PKNOX2: variants seen among roughly 807,000 people sequenced by gnomAD.
PKNOX2 encodes the protein PBX/knotted 1 homeobox 2.
Under a neutral mutation model 53.1 loss-of-function variants are expected in PKNOX2, and 14 were observed. That is an observed-to-expected ratio of 0.26 (90% CI 0.17 to 0.41). The LOEUF (loss-of-function observed/expected upper bound fraction) is 0.41, where lower values mean the gene tolerates loss of function less well. Among genes scored for constraint, PKNOX2 ranks in the 10% least tolerant of loss-of-function variants. The pLI is 1.00. For missense variants in PKNOX2, 496 were observed against 602.8 expected (o/e 0.82, Z 1.85); for synonymous variants, 257 against 242.8 (o/e 1.06, Z -0.54).
chr11:125,303,413 A>G (rs1948208937), intron 2 of PKNOX2, among the ~76,000 whole-genome samples: 1 of 152,136 alleles, frequency 6.6e-6, no homozygotes, highest in Non-Finnish European at 1.5e-5. Context: ...TTCTGGTCAC[A>G]GCCCCAGCCC....
chr11:125,328,286 A>G (rs376459315), intron 2 of PKNOX2, among the ~76,000 whole-genome samples: 18 of 151,968 alleles, frequency 1.2e-4, no homozygotes, highest in East Asian at 7.7e-4. Flanking sequence ...TTTACCTTCT[A>G]TTTTGCCCAC....
At chr11:125,290,095 G>A (rs556486684) in intron 2 of PKNOX2, among the ~76,000 whole-genome samples, 28 of 152,312 alleles carry the variant, frequency 1.8e-4, no homozygotes, top group East Asian at 9.6e-4. Context: ...AACTAGCTGC[G>A]CTGAGTGAAT....
In PKNOX2 at chr11:125,228,199, A is replaced by G. The variant is rs56276012; in HGVS notation, c.-200-6846A>G. Among the ~76,000 whole-genome samples the G allele has an allele frequency of 6.1e-3, 936 of 152,354 alleles. 9 individuals are homozygous for G. Among genetic ancestry groups the G allele is most frequent in the African/African-American group, 0.021 (880 of 41,590 alleles). ...ACGTGCTCCATCTGAGCCGTCCAGT[A>G]TGACAGCCACTAGCTACATGTGCTG... On this transcript the variant is annotated intron_variant, in intron 1 of 12. Coordinates refer to ENST00000298282, the MANE Select transcript of PKNOX2 (RefSeq NM_001382323.2).
chr11:125,285,337 T>C (rs1234538391), intron 2 of PKNOX2, among the ~76,000 whole-genome samples: 2 of 152,112 alleles, frequency 1.3e-5, no homozygotes, highest in African/African-American at 4.8e-5. Context: ...TGAAGCTTCA[T>C]TGAGAATAAG....
intron 5 of PKNOX2, among the ~76,000 whole-genome samples, chr11:125,378,291 C>T (rs934915362): frequency 6.6e-6 from 1 of 152,238 alleles, no homozygotes; most frequent in African/African-American, 2.4e-5. Flanking sequence ...CCCACCTCAC[C>T]CCACCCCACC....
chr11:125,349,194 G>A (rs1279032914), intron 3 of PKNOX2, among the ~76,000 whole-genome samples: 1 of 152,130 alleles, frequency 6.6e-6, no homozygotes, highest in Non-Finnish European at 1.5e-5. Context: ...TCTTAATTCT[G>A]GAAGTTCCTT....
rs1007861010 is a variant in PKNOX2, at chr11:125,165,010, G to C, written c.-201+234G>C. On this transcript the variant is annotated intron_variant, in intron 1 of 12. Transcript: ENST00000298282. The surrounding 1 kb of genome is among the most constrained non-coding windows in gnomAD (Gnocchi z 4.5). ...GGGAGGCAGGGAGCAGCGAGGGACG[G>C]CGGGAGCGTGCAGAGAGAAGCTGGG... Among the ~76,000 whole-genome samples, 3 of 151,742 alleles carry C rather than the reference G, an allele frequency of 2.0e-5. No individual in the cohort carries two copies. Among genetic ancestry groups the C allele is most frequent in the African/African-American group, 7.2e-5 (3 of 41,388 alleles).
chr11:125,429,757 A>C (rs532724768), intron 11 of PKNOX2, among the ~76,000 whole-genome samples: 8 of 152,142 alleles, frequency 5.3e-5, no homozygotes, highest in Non-Finnish European at 5.9e-5. Flanking sequence ...CATTCTTCCC[A>C]TATGACTTTG....
At chr11:125,236,548 G>A (rs35205839) in intron 2 of PKNOX2, among the ~76,000 whole-genome samples, 23,561 of 152,060 alleles carry the variant, frequency 0.15, 1,885 homozygotes, top group African/African-American at 0.17. Flanking sequence ...ATAGGCCTGC[G>A]CATCCCCCCG....
intron 2 of PKNOX2, among the ~76,000 whole-genome samples, chr11:125,286,323 A>T (rs183165984): frequency 6.6e-6 from 1 of 152,374 alleles, no homozygotes; most frequent in Admixed American, 6.5e-5. Flanking sequence ...AACTCAAATC[A>T]TACCCTAAAG....
rs56171419 is a variant in PKNOX2 at position 125,427,631 on chromosome 11, AG to A, written c.937-1380del. Reference sequence around the variant, plus strand: ...TTAGGTGACGTGCCTGAGATTTCATAGCTAGTCATAATAGAGCCAGATTTTG... The same window carrying A: ...TTAGGTGACGTGCCTGAGATTTCATACTAGTCATAATAGAGCCAGATTTTG... On this transcript the variant is annotated intron_variant, in intron 10 of 12. Transcript: ENST00000298282. 7.6e-3 allele frequency among the ~76,000 whole-genome samples: 1,159 copies of A among 152,288 alleles called. 7 individuals carry two copies. Among genetic ancestry groups the A allele is most frequent in the Non-Finnish European group, 0.012 (822 of 68,020 alleles).
At chr11:125,204,888 G>T (rs965069497) in intron 1 of PKNOX2, among the ~76,000 whole-genome samples, 12 of 152,130 alleles carry the variant, frequency 7.9e-5, no homozygotes, top group African/African-American at 2.9e-4. Context: ...GGTGTGATTG[G>T]CTCTCAGAGA....
At chr11:125,410,922 G>T in intron 9 of PKNOX2, 46 bp downstream of exon 9, 1 of 1,534,286 alleles carries the variant, frequency 6.5e-7, no homozygotes, top group Non-Finnish European at 9.0e-7. Context: ...GTGGGCTAGG[G>T]CACCTGTAAT....
intron 2 of PKNOX2, among the ~76,000 whole-genome samples, chr11:125,322,347 C>G (rs982153305): frequency 1.3e-5 from 2 of 152,130 alleles, no homozygotes; most frequent in Non-Finnish European, 2.9e-5. Flanking sequence ...GGAAGCATAT[C>G]CAAGTGCCGG....
chr11:125,264,120 T>C (rs1214548150), intron 2 of PKNOX2, among the ~76,000 whole-genome samples: 2 of 152,120 alleles, frequency 1.3e-5, no homozygotes, highest in Non-Finnish European at 2.9e-5. Context: ...CCTGACACTG[T>C]TAGGAAAAGG....
intron 2 of PKNOX2, chr11:125,277,741 T>C (rs1946270651): frequency 6.6e-6 from 1 of 152,196 alleles, no homozygotes; most frequent in African/African-American, 2.4e-5. Context: ...TAAATTATTG[T>C]ATATTTCAAA....
intron 2 of PKNOX2, among the ~76,000 whole-genome samples, chr11:125,327,435 C>T (rs116017711): frequency 5.9e-5 from 9 of 152,196 alleles, no homozygotes; most frequent in Non-Finnish European, 8.8e-5. Context: ...GTCACACAGC[C>T]CCGTGTCTTC....
chr11:125,330,780 G>T (rs1950092807), intron 2 of PKNOX2, among the ~76,000 whole-genome samples: 1 of 150,580 alleles, frequency 6.6e-6, no homozygotes, highest in Non-Finnish European at 1.5e-5. Flanking sequence ...ACCACCCCTT[G>T]CAGCTCCCGG....
chr11:125,188,159 GT>G (rs2135319550), intron 1 of PKNOX2: 1 of 152,282 alleles, frequency 6.6e-6, no homozygotes, highest in East Asian at 1.9e-4. Context: ...CATACAGCTG[GT>G]AAGTGTTCAT....
Sources: allele counts gnomAD v4.1 joint callset (sites outside exome capture counted in the v4.1 genomes callset), GRCh38; gene constraint gnomAD v4.1.1; non-coding constraint Gnocchi (gnomAD v3.1); transcripts MANE v1.5; gene names NCBI Gene and HGNC (gene_info 2026-07-23, HGNC 2026-07-21).